Variants in ATRNL1 observed in about 807,000 individuals in gnomAD.
The protein encoded by ATRNL1 is attractin-like protein 1.
In ATRNL1, 95 loss-of-function variants were observed where a neutral mutation model predicts 182.7. The ratio of observed to expected loss-of-function variants is 0.52; its 90% CI spans 0.44 to 0.62. The LOEUF (loss-of-function observed/expected upper bound fraction) is 0.62. Ranked by LOEUF, ATRNL1 falls within the 20% of genes least tolerant of loss-of-function variation. The probability of loss-of-function intolerance (pLI) is 0.00; values close to 1 mark genes in which losing one functional copy is unlikely to be tolerated. For synonymous variants in ATRNL1, 576 were observed against 568.3 expected (o/e 1.01, Z -0.19); for missense variants, 1,471 against 1,679.5 (o/e 0.88, Z 2.17).
At chr10:115,121,911 T>C in intron 3 of ATRNL1, 99 bp downstream of exon 3, 1 of 531,150 alleles carries the variant, frequency 1.9e-6, no homozygotes, top group Non-Finnish European at 3.3e-6. Context: ...AGTAAAGATA[T>C]TGATAGTTAC....
chr10:115,345,640 G>T (rs1855942534), intron 19 of ATRNL1, among the ~76,000 whole-genome samples: 1 of 152,126 alleles, frequency 6.6e-6, no homozygotes, highest in Non-Finnish European at 1.5e-5. Context: ...TGTCCCTGTT[G>T]GAGGGGACGA....
intron 5 of ATRNL1, among the ~76,000 whole-genome samples, chr10:115,134,032 C>T (rs554778243): frequency 0.012 from 1,776 of 152,110 alleles, 29 homozygotes; most frequent in African/African-American, 0.039. Flanking sequence ...GGGACACATT[C>T]AAAGCATTGT....
At chr10:115,873,375 AT>A (rs569034965) in intron 28 of ATRNL1, among the ~76,000 whole-genome samples, 24 of 152,234 alleles carry the variant, frequency 1.6e-4, no homozygotes, top group Non-Finnish European at 2.5e-4. Flanking sequence ...TTTTAGTAGG[AT>A]TGAAAAATAC....
In ATRNL1 at chr10:115,266,805, A is replaced by G. The variant is rs1851627174; in HGVS notation, c.1781A>G (p.Tyr594Cys). 9 of 1,600,354 alleles carry G rather than the reference A, an allele frequency of 5.6e-6. No individual in the cohort carries two copies. Among genetic ancestry groups the G allele is most frequent in the Admixed American group, 1.7e-5 (1 of 59,438 alleles). ...HSAVVINGSM[Y>C]IFGGFSSVLL... Reference sequence around the variant, plus strand: ...TGTTTTGTTTTTAATAGGTCCATGTATATATTTGGGGGATTTTCTAGTGTA... The same window carrying G: ...TGTTTTGTTTTTAATAGGTCCATGTGTATATTTGGGGGATTTTCTAGTGTA... Residue 594 changes from tyrosine (Y) to cysteine (C), a missense_variant, in exon 12 of 29, where the codon TAT (tyrosine) becomes TGT (cysteine). Physicochemically the swap from Tyr to Cys is radical, Grantham distance 194 (BLOSUM62 -2). This residue lies in a region of ATRNL1 where 1,031 missense variants were observed against 1,156.0 expected (regional missense o/e 0.89). Coordinates refer to ENST00000355044, the MANE Select transcript of ATRNL1 (RefSeq NM_207303.4).
At chr10:115,853,550 CTTTG>C (rs1224171293) in intron 28 of ATRNL1, among the ~76,000 whole-genome samples, 1 of 152,138 alleles carries the variant, frequency 6.6e-6, no homozygotes, top group African/African-American at 2.4e-5. Context: ...TTCCTTCACA[CTTTG>C]TTTTTCTTTT....
intron 28 of ATRNL1, among the ~76,000 whole-genome samples, chr10:115,879,528 C>T (rs1031977821): frequency 3.3e-5 from 5 of 150,582 alleles, no homozygotes; most frequent in Admixed American, 3.3e-4. Context: ...GGTGTAGACT[C>T]AGTGAGTCTG....
At chr10:115,426,065 A>G (rs1044850994) in intron 20 of ATRNL1, among the ~76,000 whole-genome samples, 185 bp from the exon 21 acceptor site, 8 of 151,996 alleles carry the variant, frequency 5.3e-5, no homozygotes, top group African/African-American at 1.7e-4. Context: ...TCTCATATAT[A>G]AAGCTTTCTA....
At chr10:115,552,730 C>T (rs2133816663) in intron 26 of ATRNL1, among the ~76,000 whole-genome samples, 1 of 151,222 alleles carries the variant, frequency 6.6e-6, no homozygotes, top group African/African-American at 2.4e-5. Flanking sequence ...CTTAAACACA[C>T]ATTAAAAAAA....
At chr10:115,467,099 T>A in intron 22 of ATRNL1, 75 bp from the exon 23 acceptor site, 1 of 809,406 alleles carries the variant, frequency 1.2e-6, no homozygotes, top group East Asian at 2.7e-5. Context: ...ACAGACATAA[T>A]TAAATCAGTA....
chr10:115,596,880 G>A (rs534360172), intron 26 of ATRNL1, among the ~76,000 whole-genome samples: 5 of 151,784 alleles, frequency 3.3e-5, no homozygotes, highest in African/African-American at 9.7e-5. Context: ...ACTAGTTATT[G>A]GTATCCTAAA....
chr10:115,202,815 T>G (rs1398930173), intron 8 of ATRNL1, among the ~76,000 whole-genome samples: 2 of 147,734 alleles, frequency 1.4e-5, no homozygotes, highest in Non-Finnish European at 3.0e-5. Context: ...TGGTACCAGT[T>G]CCTCCTTGTA....
intron 8 of ATRNL1, among the ~76,000 whole-genome samples, chr10:115,202,587 T>C (rs1371401540): frequency 5.9e-5 from 9 of 151,494 alleles, no homozygotes; most frequent in Non-Finnish European, 1.0e-4. Context: ...GAAGCCCACT[T>C]GATCATGGTG....
intron 7 of ATRNL1, among the ~76,000 whole-genome samples, 170 bp downstream of exon 7, chr10:115,165,815 A>G (rs146603471): frequency 2.9e-3 from 439 of 152,244 alleles, no homozygotes; most frequent in African/African-American, 8.8e-3. Context: ...GTAAAAGAAT[A>G]GATTTTAGAA....
intron 28 of ATRNL1, among the ~76,000 whole-genome samples, chr10:115,876,235 A>C (rs1425179234): frequency 6.6e-6 from 1 of 150,700 alleles, no homozygotes; most frequent in Non-Finnish European, 1.5e-5. Context: ...CTGGGAAGAC[A>C]CTTACCCTTT....
chr10:115,362,264 A>G (rs1856786520), intron 19 of ATRNL1, among the ~76,000 whole-genome samples: 1 of 152,114 alleles, frequency 6.6e-6, no homozygotes, highest in Non-Finnish European at 1.5e-5. Flanking sequence ...TAAACTATAA[A>G]TTGATGAAAA....
chr10:115,134,736 A>G (rs1443462971), intron 5 of ATRNL1, among the ~76,000 whole-genome samples: 2 of 152,202 alleles, frequency 1.3e-5, no homozygotes, highest in Non-Finnish European at 2.9e-5. Context: ...CAACAAAAAA[A>G]GAGAATTTTA....
rs1268020830 is a variant in ATRNL1, at chr10:115,621,276, T to TATATATAGAGAG, written c.3795+71741_3795+71742insTATATAGAGAGA. Among the ~76,000 whole-genome samples, 469 of 47,454 alleles carry TATATATAGAGAG rather than the reference T, an allele frequency of 9.9e-3. 1 individual carries two copies. The highest frequency in any genetic ancestry group is 0.015 in the South Asian group (14 of 960). 31.1% of individuals were successfully genotyped at this position (47,454 alleles called of 152,430 possible). ...CTGAATATATATATATATATATATATAGAGAGAGAGAGAGAGAGAGAGAGA... is the reference window on the plus strand; with the variant it reads ...CTGAATATATATATATATATATATATATATATAGAGAGAGAGAGAGAGAGAGAGAGAGAGAGA... On this transcript the variant is annotated intron_variant, in intron 26 of 28. Coordinates refer to ENST00000355044, the MANE Select transcript of ATRNL1 (RefSeq NM_207303.4).
rs1950970460 is a variant in ATRNL1 at position 115,848,060 on chromosome 10, C to A, written c.4018+69C>A. On this transcript the variant is annotated intron_variant, in intron 28 of 28. Transcript: ENST00000355044. Reference sequence around the variant, plus strand: ...GACTGAACAGAAGAAATAAACAATACCACTAAATAGCGCAGTAAGGACCTT... The same window carrying A: ...GACTGAACAGAAGAAATAAACAATAACACTAAATAGCGCAGTAAGGACCTT... The A allele has an allele frequency of 4.6e-6, 4 of 863,356 alleles. 1 individual carries two copies. The highest frequency in any genetic ancestry group is 4.1e-5 in the South Asian group (3 of 72,554). 53.5% of individuals were successfully genotyped at this position (863,356 alleles called of 1,614,324 possible). A position where few individuals can be genotyped will look rare whatever the true frequency, so the allele number is the denominator to read the frequency against.
intron 9 of ATRNL1, among the ~76,000 whole-genome samples, chr10:115,225,582 A>C (rs1427337775): frequency 6.7e-6 from 1 of 150,356 alleles, no homozygotes; most frequent in Admixed American, 6.6e-5. Flanking sequence ...TACCAGGAAC[A>C]GTTTAAAACT....
Sources: gnomAD v4.1 joint callset for allele counts (sites outside exome capture counted in the v4.1 genomes callset) on GRCh38, gnomAD v4.1.1 for gene constraint, gnomAD v4.1.1 regional missense constraint, MANE v1.5 for transcripts, NCBI Gene and HGNC (gene_info 2026-07-23, HGNC 2026-07-21) for gene names.